DOLK: variants seen among roughly 807,000 people sequenced by gnomAD.
DOLK encodes the protein SEC59 homolog.
A neutral mutation model predicts 31.7 loss-of-function variants in DOLK; 20 were observed. The ratio of observed to expected loss-of-function variants is 0.63; its 90% CI spans 0.44 to 0.92. The LOEUF (loss-of-function observed/expected upper bound fraction) is 0.92, where lower values mean the gene tolerates loss of function less well. Among genes scored for constraint, DOLK ranks in the 40% least tolerant of loss-of-function variants. DOLK has a pLI of 0.00. For synonymous variants in DOLK, 309 were observed against 287.0 expected (o/e 1.08, Z -0.77); for missense variants, 594 against 680.7 (o/e 0.87, Z 1.42).
chr9:128,945,628 G>A lies in DOLK; in HGVS notation c.*59C>T. ...TCATGCCCAAGTAGCTGTCTGCTGT[G>A]GGGACTGTTCACCCTCCCCATGTCT... On this transcript the variant is annotated 3_prime_UTR_variant, in exon 1 of 1. Transcript: ENST00000372586. 1.9e-6 allele frequency: 3 copies of A among 1,601,414 alleles called. No individual in the cohort carries two copies. Among genetic ancestry groups the A allele is most frequent in the Non-Finnish European group, 2.6e-6 (3 of 1,169,580 alleles).
chr9:128,946,775 G>A lies in DOLK; in HGVS notation c.529C>T (p.Leu177Phe). 6.2e-7 allele frequency: 1 copy of A among 1,613,990 alleles called. No homozygotes were observed. The highest frequency in any genetic ancestry group is 1.3e-5 in the African/African-American group (1 of 75,012). The change falls in exon 1 of 1, where the codon CTC (leucine) becomes TTC (phenylalanine). Residue 177 changes from leucine to phenylalanine, a missense_variant. Coordinates refer to ENST00000372586, the MANE Select transcript of DOLK (RefSeq NM_014908.4). ...AGCAGGTACAGCAGGATCATGTTGA[G>A]ATAAACGAAGATCAGAAGGACTTCC... ...VLEVLLIFVY[L>F]NMILLYLLPR...
chr9:128,946,842 G>T lies in DOLK; in HGVS notation c.462C>A (p.Ile154=). 6.2e-7 allele frequency: 1 copy of T among 1,611,908 alleles called. No homozygotes were observed. Residue 154 remains isoleucine (I), a synonymous_variant, in exon 1 of 1, where the codon ATC becomes ATA. Transcript: ENST00000372586. ...CCCCCACGCTCAACGAGTGCTTCATGATATAAATGATAACACCTCCAGCCA... is the reference window on the plus strand; with the variant it reads ...CCCCCACGCTCAACGAGTGCTTCATTATATAAATGATAACACCTCCAGCCA... ...LGLAGGVIIY[I]MKHSLSVGEV...
chr9:128,946,721 G>C lies in DOLK; in HGVS notation c.583C>G (p.Leu195Val). 1 of 1,614,166 alleles carries C rather than the reference G, an allele frequency of 6.2e-7. No individual in the cohort carries two copies. Among genetic ancestry groups the C allele is most frequent in the Non-Finnish European group, 8.5e-7 (1 of 1,180,038 alleles). ...AAGCTAATGCCACCCAATACCAGCA[G>C]TGCCTCACCAGGGGTGAAGCAGCGG... ...LPRCFTPGEA[L>V]LVLGGISFVL... is the part of the protein sequence containing the mutation. Residue 195 changes from leucine to valine, a missense_variant, in exon 1 of 1, where the codon CTG (leucine) becomes GTG (valine). Physicochemically the swap from Leu to Val is conservative, Grantham distance 32 (BLOSUM62 1). Coordinates refer to ENST00000372586, the MANE Select transcript of DOLK (RefSeq NM_014908.4).
At position 128,947,600 on chromosome 9, in the gene DOLK, T is replaced by G; in HGVS notation, c.-297A>C. ...CTCACCTCTTTGGGCCTCGCCATCT[T>G]GGCACCGCCCCGCGGCAACGTCACG... is the stretch of plus-strand genomic sequence containing the variant. On this transcript the variant is annotated 5_prime_UTR_variant, in exon 1 of 1. Transcript: ENST00000372586. 22 of 1,274,588 alleles carry G rather than the reference T, an allele frequency of 1.7e-5. No homozygotes were observed. Among genetic ancestry groups the G allele is most frequent in the Non-Finnish European group, 2.3e-5 (22 of 951,248 alleles). The allele number at this position is 1,274,588 out of a possible 1,614,324, so 79.0% of individuals were successfully genotyped here.
At position 128,946,298 on chromosome 9, in the gene DOLK, C is replaced by A; in HGVS notation, c.1006G>T (p.Ala336Ser). The part of the protein sequence containing the change: ...ESKKHQAPTI[A>S]RKYFHLIVVA... ...ACAATGAGGTGGAAATACTTTCGGG[C>A]GATGGTGGGGGCCTGGTGCTTCTTG... The change falls in exon 1 of 1, where the codon GCC becomes TCC. Residue 336 changes from alanine (A) to serine (S), a missense_variant. Ala to Ser is a moderately conservative substitution (Grantham distance 99). Transcript: ENST00000372586. 6.2e-7 allele frequency: 1 copy of A among 1,614,024 alleles called. No individual in the cohort carries two copies.
rs755364815 is a variant in DOLK, at chr9:128,945,874, A to G, written c.1430T>C (p.Met477Thr). ...PGTKKTFEGTMTSIFAQIISV... is the reference protein window; with the variant it reads ...PGTKKTFEGTTTSIFAQIISV... Reference sequence around the variant, plus strand: ...AATGATCTGCGCAAATATAGATGTCATGGTCCCCTCAAAAGTCTTTTTGGT... The same window carrying G: ...AATGATCTGCGCAAATATAGATGTCGTGGTCCCCTCAAAAGTCTTTTTGGT... The change falls in exon 1 of 1, where the codon ATG (methionine) becomes ACG (threonine). Residue 477 changes from methionine to threonine, a missense_variant. Met to Thr is a moderately conservative substitution (Grantham distance 81). Transcript: ENST00000372586. 6.2e-7 allele frequency: 1 copy of G among 1,614,142 alleles called. No individual in the cohort carries two copies. Among genetic ancestry groups the G allele is most frequent in the South Asian group, 1.1e-5 (1 of 91,088 alleles).
chr9:128,946,001 C>G lies in DOLK; in HGVS notation c.1303G>C (p.Ala435Pro), dbSNP rs1306365829. Residue 435 changes from alanine to proline, a missense_variant, in exon 1 of 1, where the codon GCC (alanine) becomes CCC (proline). Physicochemically the swap from Ala to Pro is conservative, Grantham distance 27 (BLOSUM62 -1). Transcript: ENST00000372586. ...PCTQKGSLGG[A>P]RALVPYAGVL... ...CCGGCATAGGGGACGAGGGCCCTGG[C>G]TCCTCCCAGGCTACCCTTCTGTGTG... 1.1e-5 allele frequency: 17 copies of G among 1,614,090 alleles called. No homozygotes were observed. The highest frequency in any genetic ancestry group is 1.4e-5 in the Non-Finnish European group (16 of 1,180,052).
chr9:128,946,066 A>G lies in DOLK; in HGVS notation c.1238T>C (p.Leu413Pro). Residue 413 changes from leucine (L) to proline (P), a missense_variant, in exon 1 of 1, where the codon CTG becomes CCG. By Grantham distance (98) the Leu-to-Pro change is moderately conservative. Transcript: ENST00000372586. ...PLILTHIYLL[L>P]GMSLPIWLIP... is the part of the protein sequence containing the mutation. ...CAGCCAGATGGGAAGAGACATGCCC[A>G]GGAGCAGGTAGATGTGTGTCAGAAT... is the stretch of plus-strand genomic sequence containing the variant. 2 of 1,614,174 alleles carry G rather than the reference A, an allele frequency of 1.2e-6. No homozygotes were observed. The highest frequency in any genetic ancestry group is 1.7e-6 in the Non-Finnish European group (2 of 1,180,038).
At position 128,947,573 on chromosome 9, in the gene DOLK, T is replaced by A. The variant is rs982983795; in HGVS notation, c.-270A>T. The A allele has an allele frequency of 2.9e-5, 31 of 1,067,126 alleles. No individual in the cohort carries two copies. The highest frequency in any genetic ancestry group is 2.7e-4 in the African/African-American group (17 of 62,424). The allele number at this position is 1,067,126 out of a possible 1,614,324, so 66.1% of individuals were successfully genotyped here. On this transcript the variant is annotated 5_prime_UTR_variant, in exon 1 of 1. Coordinates refer to ENST00000372586, the MANE Select transcript of DOLK (RefSeq NM_014908.4). ...AGTTACAGCCGCCCCCGCTGCCGGC[T>A]CCTCACCTCTTTGGGCCTCGCCATC...
chr9:128,946,878 G>A lies in DOLK; in HGVS notation c.426C>T (p.Val142=), dbSNP rs1465958631. 2 of 1,608,208 alleles carry A rather than the reference G, an allele frequency of 1.2e-6. No homozygotes were observed. Among genetic ancestry groups the A allele is most frequent in the East Asian group, 2.2e-5 (1 of 44,868 alleles). ...TAACACCTCCAGCCAAGCCCAAGAT[G>A]ACACAAGTGTTGGTTGGCACTGGGC... ...ITRPVPTNTC[V]ILGLAGGVII... The change falls in exon 1 of 1, where the codon GTC becomes GTT. Residue 142 remains valine (V), a synonymous_variant. Coordinates refer to ENST00000372586, the MANE Select transcript of DOLK (RefSeq NM_014908.4).
rs1224598375 is a variant in DOLK at position 128,945,616 on chromosome 9, G to A, written c.*71C>T. 6.3e-7 allele frequency: 1 copy of A among 1,580,624 alleles called. No homozygotes were observed. Among genetic ancestry groups the A allele is most frequent in the African/African-American group, 1.3e-5 (1 of 74,144 alleles). On this transcript the variant is annotated 3_prime_UTR_variant, in exon 1 of 1. Coordinates refer to ENST00000372586, the MANE Select transcript of DOLK (RefSeq NM_014908.4). Reference sequence around the variant, plus strand: ...CACCTTGGCTCTTCATGCCCAAGTAGCTGTCTGCTGTGGGGACTGTTCACC... The same window carrying A: ...CACCTTGGCTCTTCATGCCCAAGTAACTGTCTGCTGTGGGGACTGTTCACC...
In DOLK at chr9:128,947,568, C is replaced by T; in HGVS notation, c.-265G>A. 2 of 1,044,746 alleles carry T rather than the reference C, an allele frequency of 1.9e-6. No homozygotes were observed. 64.7% of individuals were successfully genotyped at this position (1,044,746 alleles called of 1,614,324 possible). ...CTCACAGTTACAGCCGCCCCCGCTG[C>T]CGGCTCCTCACCTCTTTGGGCCTCG... On this transcript the variant is annotated 5_prime_UTR_variant, in exon 1 of 1. Coordinates refer to ENST00000372586, the MANE Select transcript of DOLK (RefSeq NM_014908.4).
chr9:128,946,446 C>A lies in DOLK; in HGVS notation c.858G>T (p.Trp286Cys). 1 of 1,614,026 alleles carries A rather than the reference C, an allele frequency of 6.2e-7. No individual in the cohort carries two copies. Among genetic ancestry groups the A allele is most frequent in the Non-Finnish European group, 8.5e-7 (1 of 1,180,020 alleles). Reference protein sequence around the residue: ...HRLIRRNPLLWLLQFLFQTDT... With the variant: ...HRLIRRNPLLCLLQFLFQTDT... ...CTGTCTGGAAGAGAAACTGAAGAAG[C>A]CAGAGCAGGGGATTCCTGCGGATGA... Residue 286 changes from tryptophan (W) to cysteine (C), a missense_variant, in exon 1 of 1, where the codon TGG becomes TGT. Trp to Cys is a radical substitution (Grantham distance 215, BLOSUM62 -2). Transcript: ENST00000372586.
At position 128,946,923 on chromosome 9, in the gene DOLK, C is replaced by T; in HGVS notation, c.381G>A (p.Val127=). ...CTGGGCGAGTGATGCCGAGCGCCAA[C>T]ACTGATGAGAAGAGGGCCACTGCCA... ...TGMAVALFSS[V]LALGITRPVP... The change falls in exon 1 of 1, where the codon GTG becomes GTA. Residue 127 remains valine (V), a synonymous_variant. Transcript: ENST00000372586. 6.2e-7 allele frequency: 1 copy of T among 1,604,194 alleles called. No individual in the cohort carries two copies. Among genetic ancestry groups the T allele is most frequent in the Non-Finnish European group, 8.5e-7 (1 of 1,179,778 alleles).
In DOLK at chr9:128,945,955, C is replaced by A; in HGVS notation, c.1349G>T (p.Gly450Val). Reference protein sequence around the residue: ...PYAGVLAVGVGDTVASIFGST... With the variant: ...PYAGVLAVGVVDTVASIFGST... ...ACCGAAGATGGAGGCCACAGTATCA[C>A]CCACACCCACAGCCAGGACACCGGC... The change falls in exon 1 of 1, where the codon GGT (glycine) becomes GTT (valine). Residue 450 changes from glycine to valine, a missense_variant. Gly to Val is a moderately radical substitution (Grantham distance 109). Transcript: ENST00000372586. The A allele has an allele frequency of 6.2e-7, 1 of 1,614,190 alleles. No homozygotes were observed. The highest frequency in any genetic ancestry group is 8.5e-7 in the Non-Finnish European group (1 of 1,180,040).
In DOLK at chr9:128,945,633, C is replaced by G; in HGVS notation, c.*54G>C. The G allele has an allele frequency of 6.3e-7, 1 of 1,597,052 alleles. No homozygotes were observed. Among genetic ancestry groups the G allele is most frequent in the East Asian group, 2.2e-5 (1 of 44,784 alleles). On this transcript the variant is annotated 3_prime_UTR_variant, in exon 1 of 1. Transcript: ENST00000372586. ...CCCAAGTAGCTGTCTGCTGTGGGGA[C>G]TGTTCACCCTCCCCATGTCTGTTTC...
rs373115419 is a variant in DOLK, at chr9:128,947,296, C to T, written c.8G>A (p.Arg3Gln). ...CCCCGGGGCCGGAGATGGGCACTCT[C>T]GGGTCATATCTCTAGACCTGGGGCT... MTRECPSPAPGPG... is the reference protein window; with the variant it reads MTQECPSPAPGPG... Residue 3 changes from arginine (R) to glutamine (Q), a missense_variant, in exon 1 of 1, where the codon CGA becomes CAA. Physicochemically the swap from Arg to Gln is conservative, Grantham distance 43 (BLOSUM62 1). Coordinates refer to ENST00000372586, the MANE Select transcript of DOLK (RefSeq NM_014908.4). 52 of 1,612,280 alleles carry T rather than the reference C, an allele frequency of 3.2e-5. No homozygotes were observed. Among genetic ancestry groups the T allele is most frequent in the Non-Finnish European group, 4.1e-5 (48 of 1,179,956 alleles).
Position 128,945,948 on chromosome 9 carries a change from A to C in DOLK, c.1356T>G (p.Thr452=). 1 of 1,614,192 alleles carries C rather than the reference A, an allele frequency of 6.2e-7. No individual in the cohort carries two copies. Among genetic ancestry groups the C allele is most frequent in the Non-Finnish European group, 8.5e-7 (1 of 1,180,038 alleles). Residue 452 remains threonine, a synonymous_variant, in exon 1 of 1, where the codon ACT becomes ACG. Transcript: ENST00000372586. ...AGVLAVGVGD[T]VASIFGSTMG... is the part of the protein sequence containing the mutation. ...TGGTGCTACCGAAGATGGAGGCCAC[A>C]GTATCACCCACACCCACAGCCAGGA...
Position 128,946,101 on chromosome 9 carries a change from ACT to A in DOLK, c.1201_1202del (p.Ser401TrpfsTer30), listed in dbSNP as rs919111760. The A allele has an allele frequency of 1.1e-5, 17 of 1,614,052 alleles. No homozygotes were observed. The highest frequency in any genetic ancestry group is 1.4e-5 in the Non-Finnish European group (16 of 1,180,042). On this transcript the variant is annotated frameshift_variant, in exon 1 of 1. Coordinates refer to ENST00000372586, the MANE Select transcript of DOLK (RefSeq NM_014908.4). LOFTEE classifies it high-confidence loss of function. ...AGATGTGTGTCAGAATGAGTGGTCC[ACT>A]GTCTCGTTCATCCAGAAAAAGGGAC... Reference protein sequence around the residue: ...FLSLFLDERDSGPLILTHIYL... With the variant: ...FLSLFLDERDXGPLILTHIYL...
Sources: allele counts gnomAD v4.1 joint callset, GRCh38; gene constraint gnomAD v4.1.1; transcripts MANE v1.5; gene names NCBI Gene and HGNC (gene_info 2026-07-23, HGNC 2026-07-21).